IQCK: variants seen among roughly 807,000 people sequenced by gnomAD.
The protein encoded by IQCK is IQ domain-containing protein K.
IQCK carries 29 observed loss-of-function variants against 28.1 expected under a neutral mutation model. The observed-to-expected ratio is 1.03, with a 90% CI of 0.77 to 1.41. The LOEUF is 1.41. Ranked by LOEUF, IQCK falls within the 40% of genes most tolerant of loss-of-function variation. IQCK has a pLI of 0.00. For synonymous variants in IQCK, 113 were observed against 115.1 expected, an observed-to-expected ratio of 0.98 and a Z score of 0.12; for missense variants, 359 against 314.7, an observed-to-expected ratio of 1.14 and a Z score of -1.07.
At chr16:19,837,416 A>T (rs188740777) in intron 9 of IQCK, among the ~76,000 whole-genome samples, 147 of 152,200 alleles carry the variant, frequency 9.7e-4, no homozygotes, top group African/African-American at 3.5e-3. Flanking sequence ...AATAAAAATA[A>T]AAAGATTGGC....
intron 4 of IQCK, among the ~76,000 whole-genome samples, chr16:19,754,546 T>C (rs1210923798): frequency 1.3e-5 from 2 of 152,214 alleles, no homozygotes; most frequent in Non-Finnish European, 1.5e-5. Flanking sequence ...GGAAACTGTT[T>C]CTAACTCCTG....
intron 9 of IQCK, among the ~76,000 whole-genome samples, chr16:19,843,689 T>G (rs1039490011): frequency 6.6e-6 from 1 of 152,202 alleles, no homozygotes; most frequent in Non-Finnish European, 1.5e-5. Context: ...CATGGTCAGG[T>G]TCTAGTGAGG....
downstream of IQCK, among the ~76,000 whole-genome samples, chr16:19,828,874 AT>A (rs1177164744): frequency 1.8e-4 from 26 of 140,818 alleles, no homozygotes; most frequent in African/African-American, 6.8e-4. Flanking sequence ...ATATATATAA[AT>A]ATATATATAA....
At chr16:19,736,571 G>A (rs774064448) in intron 4 of IQCK, among the ~76,000 whole-genome samples, 11 of 152,188 alleles carry the variant, frequency 7.2e-5, no homozygotes, top group Non-Finnish European at 1.3e-4. Context: ...TACTTTGGGT[G>A]TATGTGTTCC....
intron 6 of IQCK, among the ~76,000 whole-genome samples, chr16:19,781,330 C>A (rs1257696648): frequency 6.6e-6 from 1 of 152,184 alleles, no homozygotes; most frequent in African/African-American, 2.4e-5. Context: ...GCGAGTTCTG[C>A]TATCTGGACA....
rs368016422 is a variant in IQCK, at chr16:19,733,767, A to G, written c.316A>G (p.Thr106Ala). ...GCACTATTTTCCGGTTTCCCATTTC[A>G]CCATGATCTCACGTACACCCTGTCC... Residue 106 changes from threonine (T) to alanine (A), a missense_variant, in exon 3 of 8, where the codon ACC (threonine) becomes GCC (alanine). By Grantham distance (58) the Thr-to-Ala change is moderately conservative. Transcript: ENST00000564186. 6.8e-6 allele frequency: 11 copies of G among 1,614,026 alleles called. No individual in the cohort carries two copies. In the Admixed American group the frequency reaches 1.3e-4, roughly 20 times the overall value.
At chr16:19,851,353 T>C (rs1052843623) in intron 9 of IQCK, among the ~76,000 whole-genome samples, 1 of 152,154 alleles carries the variant, frequency 6.6e-6, no homozygotes, top group Admixed American at 6.5e-5. Flanking sequence ...GGCCCAGGAA[T>C]CTATATTTTC....
intron 4 of IQCK, among the ~76,000 whole-genome samples, chr16:19,751,601 AAATT>A (rs1403987548): frequency 2.6e-5 from 4 of 152,184 alleles, no homozygotes; most frequent in African/African-American, 7.2e-5. Flanking sequence ...GAGAAAGAAT[AAATT>A]CTGTTTTAGG....
At chr16:19,782,658 T>G (rs4780828) in intron 6 of IQCK, among the ~76,000 whole-genome samples, 51,211 of 151,824 alleles carry the variant, frequency 0.34, 13,385 homozygotes, top group African/African-American at 0.73. Context: ...GAAAGAAAAG[T>G]GGATAGAATT....
At chr16:19,856,570 G>A (rs1245149482) in exon 10 of IQCK, 2 of 1,601,970 alleles carry the variant, frequency 1.2e-6, no homozygotes, top group African/African-American at 2.7e-5. Context: ...ACGTATCTTT[G>A]CCCATTCGAG....
At chr16:19,781,130 G>A (rs914912225) in intron 6 of IQCK, among the ~76,000 whole-genome samples, 5 of 152,148 alleles carry the variant, frequency 3.3e-5, no homozygotes, top group Non-Finnish European at 7.4e-5. Context: ...CTGGGGAGTA[G>A]GTGGGTCTCC....
At chr16:19,775,747 C>T (rs1198440105) in intron 6 of IQCK, among the ~76,000 whole-genome samples, 1 of 150,928 alleles carries the variant, frequency 6.6e-6, no homozygotes, top group African/African-American at 2.4e-5. Flanking sequence ...CTAGAAGGTT[C>T]TTAACTTTCT....
At chr16:19,736,548 G>A (rs1457507683) in intron 4 of IQCK, among the ~76,000 whole-genome samples, 2 of 152,286 alleles carry the variant, frequency 1.3e-5, no homozygotes, top group East Asian at 1.9e-4. Flanking sequence ...CCTCTTTTCC[G>A]TAGTTCACGG....
At chr16:19,739,091 T>G (rs1370238571) in intron 4 of IQCK, among the ~76,000 whole-genome samples, 1 of 152,190 alleles carries the variant, frequency 6.6e-6, no homozygotes, top group Middle Eastern at 3.2e-3. Flanking sequence ...AAGCCCAGCA[T>G]GCAGCTTTCC....
chr16:19,804,508 C>A (rs914533581), intron 7 of IQCK, among the ~76,000 whole-genome samples: 17 of 151,844 alleles, frequency 1.1e-4, no homozygotes, highest in Admixed American at 1.1e-3. Flanking sequence ...TGCAATCTCA[C>A]CCTACTGCAA....
At chr16:19,764,271 A>G in intron 6 of IQCK, 159 bp downstream of exon 6, 1 of 593,184 alleles carries the variant, frequency 1.7e-6, no homozygotes, top group African/African-American at 1.9e-5. Context: ...AGCCTAGGCT[A>G]ACCTTATCCT....
chr16:19,818,286 T>C (rs535935252), intron 7 of IQCK, among the ~76,000 whole-genome samples: 43 of 152,366 alleles, frequency 2.8e-4, no homozygotes, highest in African/African-American at 9.9e-4. Flanking sequence ...GCTTATCCCA[T>C]GTTCTGTGAC....
chr16:19,779,043 T>C (rs926476018), intron 6 of IQCK, among the ~76,000 whole-genome samples: 1 of 152,162 alleles, frequency 6.6e-6, no homozygotes. Context: ...AGTGCAGTGG[T>C]GCGATCATAG....
intron 7 of IQCK, among the ~76,000 whole-genome samples, chr16:19,819,919 G>A (rs776187259): frequency 6.6e-6 from 1 of 151,754 alleles, no homozygotes; most frequent in Non-Finnish European, 1.5e-5. Flanking sequence ...AGAATTAAGA[G>A]TCTAGAAATA....
Sources: allele counts gnomAD v4.1 joint callset (sites outside exome capture counted in the v4.1 genomes callset), GRCh38; gene constraint gnomAD v4.1.1; transcripts MANE v1.5; gene names NCBI Gene and HGNC (gene_info 2026-07-23, HGNC 2026-07-21).